The following IDI1 variants were observed in gnomAD, a reference collection of about 807,000 sequenced individuals.
The protein encoded by IDI1 is isopentenyl-diphosphate Delta-isomerase 1.
Under a neutral mutation model 32.9 loss-of-function variants are expected in IDI1, and 23 were observed. The ratio of observed to expected loss-of-function variants is 0.70; its 90% CI spans 0.50 to 0.99. The LOEUF is 0.99. IDI1 is among the 50% of genes least tolerant of loss of function. The pLI, the probability that IDI1 is intolerant of heterozygous loss-of-function variation, is 0.00. For synonymous variants in IDI1, 133 were observed against 128.2 expected, an observed-to-expected ratio of 1.04 and a Z score of -0.25; for missense variants, 326 against 351.9, an observed-to-expected ratio of 0.93 and a Z score of 0.59.
chr10:1,054,856 C>T, the IDI1 span, among the ~76,000 whole-genome samples: 1 of 152,202 alleles, frequency 6.6e-6, no homozygotes, highest in South Asian at 2.1e-4. Flanking sequence ...TACTGTACTC[C>T]AATATGACTG....
At position 1,048,967 on chromosome 10, in the gene IDI1, A is replaced by C. The variant is rs1203350220; in HGVS notation, c.37T>G (p.Cys13Gly). ...CACTGGCCCCGCCCCCGGGCCGCGC[A>C]GCCAATCGCTCGCGCCAGCGCCAGT... ...RGLALARAIG[C>G]AARGRGQWAV... Residue 13 changes from cysteine (C) to glycine (G), a missense_variant, in exon 1 of 5, where the codon TGC becomes GGC. Cys to Gly is a radical substitution (Grantham distance 159). Transcript: ENST00000381344. The C allele has an allele frequency of 3.9e-6, 6 of 1,549,484 alleles. No homozygotes were observed. Among genetic ancestry groups the C allele is most frequent in the African/African-American group, 1.4e-5 (1 of 71,642 alleles).
intron 2 of IDI1, 33 bp from the exon 3 acceptor site, chr10:1,043,426 C>T (rs1242560838): frequency 7.4e-7 from 1 of 1,353,518 alleles, no homozygotes; most frequent in South Asian, 1.2e-5. Context: ...TTATTTTAGC[C>T]TTAAGTACCA....
chr10:1,052,733 G>A (rs552757223), upstream of IDI1, among the ~76,000 whole-genome samples: 48 of 152,220 alleles, frequency 3.2e-4, no homozygotes, highest in African/African-American at 1.0e-3. Context: ...TTAGCATAAC[G>A]CTTAAGGACT....
chr10:1,049,704 G>A (rs914448733), upstream of IDI1: 1 of 151,912 alleles, frequency 6.6e-6, no homozygotes, highest in East Asian at 1.9e-4. Flanking sequence ...GCCCAGGCTT[G>A]AGTGCAATGG....
rs751388932 is a variant in IDI1 at position 1,048,843 on chromosome 10, T to A, written c.140+21A>T. 3 of 1,600,248 alleles carry A rather than the reference T, an allele frequency of 1.9e-6. No homozygotes were observed. In the South Asian group the frequency reaches 3.3e-5, roughly 18 times the overall value. ...GCCGCCCTGCCCCTGTCTCCCGAAC[T>A]CCGCCGCCCGTCCACAGTACCTGAT... is the stretch of plus-strand genomic sequence containing the variant. On this transcript the variant is annotated intron_variant, in intron 1 of 4. Transcript: ENST00000381344.
chr10:1,048,168 A>G, intron 1 of IDI1: 2 of 1,147,810 alleles, frequency 1.7e-6, no homozygotes, highest in Non-Finnish European at 2.4e-6. Context: ...TGTAATGACA[A>G]TTGCTCTTTC....
chr10:1,056,427 C>G, the IDI1 span: 1 of 152,188 alleles, frequency 6.6e-6, no homozygotes, highest in Non-Finnish European at 1.5e-5. Context: ...CCCCGCCAGG[C>G]TCCCGCGCGG....
rs1057002560 is a variant in IDI1 at position 1,043,904 on chromosome 10, T to C, written c.313+95A>G. The C allele has an allele frequency of 4.9e-6, 5 of 1,026,114 alleles. No individual in the cohort carries two copies. The African/African-American group carries it at 8.0e-5, about 16-fold the overall frequency. The allele number at this position is 1,026,114 out of a possible 1,614,324, so 63.6% of individuals were successfully genotyped here. A position where few individuals can be genotyped will look rare whatever the true frequency, so the allele number is the denominator to read the frequency against. On this transcript the variant is annotated intron_variant, in intron 2 of 4. Transcript: ENST00000381344. ...AACCAACGAGAAAATACGGTATTAC[T>C]GAAGACTGCACTTCCTTGAACAGAG...
chr10:1,055,586 C>A, the IDI1 span, among the ~76,000 whole-genome samples: 1 of 152,188 alleles, frequency 6.6e-6, no homozygotes, highest in Non-Finnish European at 1.5e-5. Flanking sequence ...TTAAATGTCA[C>A]AACCTCTAAA....
At chr10:1,043,577 T>C in intron 2 of IDI1, 184 bp from the exon 3 acceptor site, 1 of 691,520 alleles carries the variant, frequency 1.4e-6, no homozygotes, top group Non-Finnish European at 2.7e-6. Flanking sequence ...GCAAGGAAGT[T>C]GGCCGTCGAG....
chr10:1,050,283 T>C (rs1832967173), upstream of IDI1, among the ~76,000 whole-genome samples: 1 of 152,240 alleles, frequency 6.6e-6, no homozygotes, highest in South Asian at 2.1e-4. Flanking sequence ...TTGATTTTGT[T>C]TTATGTGTTG....
At chr10:1,051,085 A>T (rs1291852022), upstream of IDI1, among the ~76,000 whole-genome samples, 1 of 152,234 alleles carries the variant, frequency 6.6e-6, no homozygotes, top group South Asian at 2.1e-4. Context: ...TTTTGACTGT[A>T]CCTCGAATGC....
the IDI1 span, among the ~76,000 whole-genome samples, chr10:1,055,988 T>C: frequency 1.3e-5 from 2 of 152,146 alleles, no homozygotes; most frequent in African/African-American, 4.8e-5. Flanking sequence ...TTTGTATTTT[T>C]AGTAAAGACA....
At position 1,048,581 on chromosome 10, in the gene IDI1, CTG is replaced by C. The variant is rs1249995549; in HGVS notation, c.140+281_140+282del. 1.2e-5 allele frequency: 17 copies of C among 1,363,892 alleles called. No homozygotes were observed. The East Asian group carries it at 4.6e-4, about 37-fold the overall frequency. 84.5% of individuals were successfully genotyped at this position (1,363,892 alleles called of 1,614,324 possible). A position where few individuals can be genotyped will look rare whatever the true frequency, so the allele number is the denominator to read the frequency against. On this transcript the variant is annotated intron_variant, in intron 1 of 4. Coordinates refer to ENST00000381344, the MANE Select transcript of IDI1 (RefSeq NM_004508.4). ...CCACGAGTTCCTAAACCTCAGGTGACTGTGCGCAGACGACGATCTTTTCCGCT... is the reference window on the plus strand; with the variant it reads ...CCACGAGTTCCTAAACCTCAGGTGACTGCGCAGACGACGATCTTTTCCGCT...
In IDI1 at chr10:1,041,024, C is replaced by A; in HGVS notation, c.*163G>T. 1 of 512,412 alleles carries A rather than the reference C, an allele frequency of 2.0e-6. No individual in the cohort carries two copies. The highest frequency in any genetic ancestry group is 3.6e-5 in the South Asian group (1 of 27,742). 31.7% of individuals were successfully genotyped at this position (512,412 alleles called of 1,614,324 possible). ...TACAAAATTATAAGTTAGTTTTTTCCACACAAGTTTTAAAGTATCAGTGTA... is the reference window on the plus strand; with the variant it reads ...TACAAAATTATAAGTTAGTTTTTTCAACACAAGTTTTAAAGTATCAGTGTA... On this transcript the variant is annotated 3_prime_UTR_variant, in exon 5 of 5. Transcript: ENST00000381344.
upstream of IDI1, among the ~76,000 whole-genome samples, chr10:1,052,656 C>T (rs1833043680): frequency 6.6e-6 from 1 of 152,112 alleles, no homozygotes; most frequent in Non-Finnish European, 1.5e-5. Context: ...GTAAACCACA[C>T]TGTGTAAGTA....
At chr10:1,045,120 C>T (rs1262629523) in intron 1 of IDI1, among the ~76,000 whole-genome samples, 1 of 152,254 alleles carries the variant, frequency 6.6e-6, no homozygotes, top group African/African-American at 2.4e-5. Flanking sequence ...GGCCTATAGG[C>T]CATAGTTGGC....
At chr10:1,051,996 A>C (rs1252065393), upstream of IDI1, among the ~76,000 whole-genome samples, 1 of 152,226 alleles carries the variant, frequency 6.6e-6, no homozygotes, top group African/African-American at 2.4e-5. Context: ...CCTCAGCCTC[A>C]TGAGTAGCTG....
At chr10:1,051,310 T>A (rs1330886481), upstream of IDI1, among the ~76,000 whole-genome samples, 1 of 152,240 alleles carries the variant, frequency 6.6e-6, no homozygotes, top group African/African-American at 2.4e-5. Context: ...ACCAAGTTCT[T>A]GATGGTTTTA....
Sources: allele counts gnomAD v4.1 joint callset (sites outside exome capture counted in the v4.1 genomes callset), GRCh38; gene constraint gnomAD v4.1.1; transcripts MANE v1.5; gene names NCBI Gene and HGNC (gene_info 2026-07-23, HGNC 2026-07-21).